The following TMEM272 variants were observed in gnomAD, a reference collection of about 807,000 sequenced individuals.
The protein encoded by TMEM272 is long intergenic non-protein coding RNA 282.
Under a neutral mutation model 3.7 loss-of-function variants are expected in TMEM272, and 8 were observed. The observed-to-expected ratio is 2.17, with a 90% CI of 1.27 to 3.91. The LOEUF is 3.91. Ranked by LOEUF, TMEM272 falls within the 30% of genes most tolerant of loss-of-function variation. The probability of loss-of-function intolerance (pLI) is 0.00; values close to 1 mark genes in which losing one functional copy is unlikely to be tolerated. For missense variants in TMEM272, 166 were observed against 91.5 expected (o/e 1.81, Z -3.32); for synonymous variants, 63 against 39.8 (o/e 1.58, Z -2.20).
the TMEM272 span, chr13:51,909,395 C>A: frequency 1.1e-6 from 1 of 874,082 alleles, no homozygotes; most frequent in Admixed American, 1.8e-5. Flanking sequence ...TAGAAAGTTT[C>A]TCTTTCTCTA....
chr13:51,919,797 T>G, the TMEM272 span, among the ~76,000 whole-genome samples: 1 of 152,260 alleles, frequency 6.6e-6, no homozygotes, highest in Non-Finnish European at 1.5e-5. Context: ...TCTCCTCACC[T>G]GCCACCGTCC....
At chr13:51,876,177 C>T in the TMEM272 span, among the ~76,000 whole-genome samples, 3 of 152,238 alleles carry the variant, frequency 2.0e-5, no homozygotes, top group Admixed American at 2.0e-4. Context: ...TTTATCAGTG[C>T]ATTGGCCTCT....
chr13:51,909,389 A>T, the TMEM272 span: 1 of 873,520 alleles, frequency 1.1e-6, no homozygotes, highest in Admixed American at 1.8e-5. Flanking sequence ...CTACTTTAGA[A>T]AGTTTCTCTT....
At chr13:51,829,940 C>T (rs1361380484) in intron 2 of TMEM272, among the ~76,000 whole-genome samples, 1 of 152,144 alleles carries the variant, frequency 6.6e-6, no homozygotes, top group Admixed American at 6.5e-5. Flanking sequence ...TAGAGGATGT[C>T]CTCCCTATAC....
At chr13:51,838,235 A>G (rs1298270586) in intron 2 of TMEM272, among the ~76,000 whole-genome samples, 3 of 152,188 alleles carry the variant, frequency 2.0e-5, no homozygotes, top group Non-Finnish European at 4.4e-5. Context: ...TTTCAAACAC[A>G]TATTACATGG....
chr13:51,865,401 T>C, the TMEM272 span: 5 of 1,602,038 alleles, frequency 3.1e-6, no homozygotes, highest in East Asian at 1.1e-4. Context: ...CCATTCCGGC[T>C]GATAAGGAAG....
chr13:51,895,739 T>C, the TMEM272 span, among the ~76,000 whole-genome samples: 5 of 152,100 alleles, frequency 3.3e-5, no homozygotes, highest in Non-Finnish European at 5.9e-5. Flanking sequence ...CAGCTGAGCA[T>C]GCAGCTAATG....
chr13:51,874,655 C>T, the TMEM272 span, among the ~76,000 whole-genome samples: 2 of 152,122 alleles, frequency 1.3e-5, no homozygotes, highest in South Asian at 2.1e-4. Context: ...TGGAGGATCC[C>T]GTTCTGAAGA....
At chr13:51,880,531 T>C in the TMEM272 span, among the ~76,000 whole-genome samples, 2 of 152,228 alleles carry the variant, frequency 1.3e-5, no homozygotes, top group Non-Finnish European at 2.9e-5. Flanking sequence ...TTGTACAAAG[T>C]TAAATGACAG....
the TMEM272 span, among the ~76,000 whole-genome samples, chr13:51,888,345 C>A: frequency 6.6e-6 from 1 of 152,180 alleles, no homozygotes; most frequent in Admixed American, 6.5e-5. Flanking sequence ...TGCGCCCAGC[C>A]TACTTGACTC....
At chr13:51,837,817 C>T (rs774688090) in intron 2 of TMEM272, among the ~76,000 whole-genome samples, 1 of 152,200 alleles carries the variant, frequency 6.6e-6, no homozygotes, top group African/African-American at 2.4e-5. Context: ...CACCTTAGTC[C>T]GCCACTACCC....
the TMEM272 span, among the ~76,000 whole-genome samples, chr13:51,914,531 C>T: frequency 1.3e-5 from 2 of 152,228 alleles, no homozygotes; most frequent in Non-Finnish European, 2.9e-5. Flanking sequence ...CCAGAGCTGA[C>T]TCCTGGGATT....
chr13:51,875,173 T>C, the TMEM272 span, among the ~76,000 whole-genome samples: 3 of 152,192 alleles, frequency 2.0e-5, no homozygotes, highest in Admixed American at 2.0e-4. Context: ...ACATTATATC[T>C]CAGTTAATCC....
the TMEM272 span, among the ~76,000 whole-genome samples, chr13:51,914,223 T>C: frequency 1.3e-5 from 2 of 152,308 alleles, no homozygotes; most frequent in African/African-American, 2.4e-5. Context: ...GGCCAATACA[T>C]GCAGAGTTGG....
At chr13:51,842,975 A>G (rs1956275141) in intron 1 of TMEM272, among the ~76,000 whole-genome samples, 1 of 152,174 alleles carries the variant, frequency 6.6e-6, no homozygotes, top group Non-Finnish European at 1.5e-5. Flanking sequence ...ATTTGAGGTA[A>G]AATTGACTTA....
chr13:51,907,266 C>T, the TMEM272 span, among the ~76,000 whole-genome samples: 5 of 152,326 alleles, frequency 3.3e-5, no homozygotes, highest in African/African-American at 1.2e-4. Flanking sequence ...ACCATATTAA[C>T]CATGTCTTTT....
chr13:51,871,552 A>G, the TMEM272 span, among the ~76,000 whole-genome samples: 1 of 152,062 alleles, frequency 6.6e-6, no homozygotes. Context: ...AATAACTAGC[A>G]TCCCTTGCCA....
the TMEM272 span, chr13:51,909,341 G>A: frequency 1.1e-6 from 1 of 880,050 alleles, no homozygotes; most frequent in Admixed American, 1.8e-5. Flanking sequence ...GCTTTCTGCA[G>A]GTCTCCAGCT....
the TMEM272 span, among the ~76,000 whole-genome samples, chr13:51,859,521 C>CACAA: frequency 6.6e-6 from 1 of 151,126 alleles, no homozygotes; most frequent in Non-Finnish European, 1.5e-5. Flanking sequence ...CACACACACA[C>CACAA]ACACACACAC....
Sources: gnomAD v4.1 joint callset for allele counts (sites outside exome capture counted in the v4.1 genomes callset) on GRCh38, gnomAD v4.1.1 for gene constraint, MANE v1.5 for transcripts, NCBI Gene and HGNC (gene_info 2026-07-23, HGNC 2026-07-21) for gene names.